Variants in CCDC191 observed in about 807,000 individuals in gnomAD.
CCDC191 encodes coiled-coil domain containing 191, also known as coiled-coil domain-containing protein 191.
Under a neutral mutation model 114.0 loss-of-function variants are expected in CCDC191, and 99 were observed. The ratio of observed to expected loss-of-function variants is 0.87; its 90% CI spans 0.74 to 1.03. CCDC191 has a LOEUF of 1.03. Ranked by LOEUF, CCDC191 falls within the 50% of genes least tolerant of loss-of-function variation. The pLI is 0.00. For missense variants in CCDC191, 973 were observed against 1,087.0 expected (o/e 0.90, Z 1.47); for synonymous variants, 351 against 376.0 (o/e 0.93, Z 0.77).
At chr3:114,053,903 C>T (rs1349056396) in intron 1 of CCDC191, among the ~76,000 whole-genome samples, 2 of 151,850 alleles carry the variant, frequency 1.3e-5, no homozygotes, top group African/African-American at 2.4e-5. Context: ...TGGGATAGGA[C>T]CCTGGCACTG....
At chr3:114,036,262 A>T (rs1446505295) in intron 5 of CCDC191, among the ~76,000 whole-genome samples, 2 of 152,202 alleles carry the variant, frequency 1.3e-5, no homozygotes, top group Admixed American at 1.3e-4. Flanking sequence ...AATATTAATA[A>T]TATTAACGTT....
chr3:113,982,153 GAAT>G (rs1324188322), intron 13 of CCDC191, among the ~76,000 whole-genome samples: 2 of 152,152 alleles, frequency 1.3e-5, no homozygotes, highest in East Asian at 3.8e-4. Context: ...TATCCTCCTA[GAAT>G]AATTACTGGC....
In CCDC191 at chr3:114,018,679, T is replaced by C; in HGVS notation, c.1162A>G (p.Arg388Gly). 1 of 1,607,018 alleles carries C rather than the reference T, an allele frequency of 6.2e-7. No homozygotes were observed. Among genetic ancestry groups the C allele is most frequent in the Non-Finnish European group, 8.5e-7 (1 of 1,176,298 alleles). The change falls in exon 8 of 17, where the codon AGA becomes GGA. Residue 388 changes from arginine to glycine, a missense_variant and splice_region_variant. Physicochemically the swap from Arg to Gly is moderately radical, Grantham distance 125 (BLOSUM62 -2). Transcript: ENST00000295878. ...TTTTCACAATACAAATAATGATACC[T>C]GTTTTCTTCCCTAAGATCATTTTCC... ...ALENDLREEN[R>G]KQQLATEYNR...
At chr3:114,006,376 G>A (rs1170700929) in intron 9 of CCDC191, among the ~76,000 whole-genome samples, 1 of 151,480 alleles carries the variant, frequency 6.6e-6, no homozygotes, top group Non-Finnish European at 1.5e-5. Context: ...TTGAACCTGG[G>A]AAGTGGAGGT....
chr3:113,972,067 T>C (rs1940874127), intron 16 of CCDC191, among the ~76,000 whole-genome samples: 1 of 152,056 alleles, frequency 6.6e-6, no homozygotes, highest in Non-Finnish European at 1.5e-5. Context: ...AAAGTCTCAA[T>C]TCATTTATTT....
chr3:113,988,116 T>G (rs2075429538), intron 13 of CCDC191, among the ~76,000 whole-genome samples: 1 of 151,624 alleles, frequency 6.6e-6, no homozygotes, highest in South Asian at 2.1e-4. Flanking sequence ...ATAAAGATGC[T>G]TAATTAAAAC....
intron 16 of CCDC191, among the ~76,000 whole-genome samples, chr3:113,976,775 A>G (rs994297773): frequency 2.0e-5 from 3 of 152,180 alleles, no homozygotes; most frequent in Non-Finnish European, 4.4e-5. Flanking sequence ...ATTTTATGAG[A>G]GAGGAACAGG....
chr3:114,037,781 C>T (rs2076505964), intron 4 of CCDC191, among the ~76,000 whole-genome samples: 2 of 152,086 alleles, frequency 1.3e-5, no homozygotes, highest in African/African-American at 4.8e-5. Context: ...ACTTATGATA[C>T]CCAATACAAT....
chr3:113,986,941 T>C (rs1226565352), intron 13 of CCDC191, among the ~76,000 whole-genome samples: 3 of 152,134 alleles, frequency 2.0e-5, no homozygotes, highest in Non-Finnish European at 2.9e-5. Flanking sequence ...ATCTTGGACT[T>C]TGCAGCCTCT....
intron 13 of CCDC191, among the ~76,000 whole-genome samples, chr3:113,985,062 G>C (rs569200010): frequency 6.6e-6 from 1 of 152,272 alleles, no homozygotes; most frequent in East Asian, 1.9e-4. Context: ...ACTGATGGAG[G>C]CAGACAGTGA....
chr3:114,018,742 T>C lies in CCDC191; in HGVS notation c.1099A>G (p.Thr367Ala). 6.2e-7 allele frequency: 1 copy of C among 1,613,804 alleles called. No homozygotes were observed. The highest frequency in any genetic ancestry group is 8.5e-7 in the Non-Finnish European group (1 of 1,179,812). Residue 367 changes from threonine (T) to alanine (A), a missense_variant, in exon 8 of 17, where the codon ACA (threonine) becomes GCA (alanine). Coordinates refer to ENST00000295878, the MANE Select transcript of CCDC191 (RefSeq NM_020817.2). ...LKVLRAWRDYTRFQKLERETQ... is the reference protein window; with the variant it reads ...LKVLRAWRDYARFQKLERETQ... ...TCCCGCTCCAACTTCTGGAATCTTG[T>C]GTAGTCTCTCCAGGCCCGCAGGACC...
In CCDC191 at chr3:114,044,888, T is replaced by C. The variant is rs1246521710; in HGVS notation, c.271+1703A>G. Among the ~76,000 whole-genome samples, 4 of 152,198 alleles carry C rather than the reference T, an allele frequency of 2.6e-5. No individual in the cohort carries two copies. The East Asian group carries it at 7.7e-4, about 29-fold the overall frequency. On this transcript the variant is annotated intron_variant, in intron 3 of 16. Coordinates refer to ENST00000295878, the MANE Select transcript of CCDC191 (RefSeq NM_020817.2). ...TACCTTAAAGCACAGATTTTCAAAG[T>C]ATGTTCCTCAGAACACTACTTTTGT...
intron 9 of CCDC191, among the ~76,000 whole-genome samples, chr3:114,008,225 A>C (rs1306429752): frequency 1.3e-5 from 2 of 150,512 alleles, no homozygotes; most frequent in Non-Finnish European, 3.0e-5. Context: ...GTAAGGTAAA[A>C]GGTTCCATAC....
In CCDC191 at chr3:114,005,757, G is replaced by A. The variant is rs1431427240; in HGVS notation, c.1619C>T (p.Thr540Ile). The change falls in exon 10 of 17, where the codon ACC (threonine) becomes ATC (isoleucine). Residue 540 changes from threonine to isoleucine, a missense_variant. Thr to Ile is a moderately conservative substitution (Grantham distance 89). Coordinates refer to ENST00000295878, the MANE Select transcript of CCDC191 (RefSeq NM_020817.2). ...GCAAAGCGGTTCTGCTTTCTGGCTG[G>A]TAGTTCTGAGTGTCTCGTTGCTGCC... ...QPGSNETLRT[T>I]SQKAEPLCLG... 6.2e-7 allele frequency: 1 copy of A among 1,614,114 alleles called. No homozygotes were observed. Among genetic ancestry groups the A allele is most frequent in the Admixed American group, 1.7e-5 (1 of 60,008 alleles).
chr3:114,014,500 A>C (rs1442182646), intron 8 of CCDC191, among the ~76,000 whole-genome samples: 1 of 152,156 alleles, frequency 6.6e-6, no homozygotes, highest in East Asian at 1.9e-4. Flanking sequence ...GGAAATGAGA[A>C]TATCTGACGG....
At chr3:114,000,411 A>C (rs534716425) in intron 13 of CCDC191, among the ~76,000 whole-genome samples, 1 of 152,262 alleles carries the variant, frequency 6.6e-6, no homozygotes, top group Non-Finnish European at 1.5e-5. Flanking sequence ...GAATTACACC[A>C]CTGGGTTTCT....
At chr3:113,968,627 T>TTTG (rs201038959) in intron 16 of CCDC191, among the ~76,000 whole-genome samples, 1,871 of 111,766 alleles carry the variant, frequency 0.017, 36 homozygotes, top group African/African-American at 0.049. Flanking sequence ...TAGTTTTTTG[T>TTTG]TTTTTTTTTT....
chr3:114,037,458 T>A (rs1318950856), intron 4 of CCDC191, among the ~76,000 whole-genome samples: 1 of 152,248 alleles, frequency 6.6e-6, no homozygotes, highest in East Asian at 1.9e-4. Flanking sequence ...ATTTTGAGAT[T>A]CATTCATGTT....
chr3:114,044,704 A>G (rs190213876), intron 3 of CCDC191, among the ~76,000 whole-genome samples: 181 of 152,370 alleles, frequency 1.2e-3, no homozygotes, highest in African/African-American at 4.0e-3. Flanking sequence ...ATTTATGTGT[A>G]TAGTAATTTA....
Sources: allele counts gnomAD v4.1 joint callset (sites outside exome capture counted in the v4.1 genomes callset), GRCh38; gene constraint gnomAD v4.1.1; transcripts MANE v1.5; gene names NCBI Gene and HGNC (gene_info 2026-07-23, HGNC 2026-07-21).